GPC4: variants seen among roughly 807,000 people sequenced by gnomAD.
GPC4 encodes the protein glypican-4.
A neutral mutation model predicts 35.0 loss-of-function variants in GPC4; 10 were observed. The observed-to-expected ratio is 0.29, with a 90% CI of 0.18 to 0.48. The LOEUF is 0.48. Among genes scored for constraint, GPC4 ranks in the 20% least tolerant of loss-of-function variants. The pLI is 0.99. For missense variants in GPC4, 322 were observed against 451.3 expected, an observed-to-expected ratio of 0.71 and a Z score of 2.60; for synonymous variants, 167 against 170.2, an observed-to-expected ratio of 0.98 and a Z score of 0.15.
chrX:133,392,755 C>T (rs1210644863), intron 1 of GPC4, among the ~76,000 whole-genome samples: 3 of 110,617 alleles, frequency 2.7e-5, no homozygotes, highest in Non-Finnish European at 5.7e-5. Context: ...CCTCTCCTTC[C>T]GCTTATATAG....
chrX:133,312,657 G>GAAGGA (rs368140128), intron 3 of GPC4, among the ~76,000 whole-genome samples: 37,882 of 101,647 alleles, frequency 0.37, 7,054 homozygotes, highest in African/African-American at 0.65. Context: ...AAGAAAGGAA[G>GAAGGA]AAGGAAAGGA....
At chrX:133,371,393 T>A (rs1464392937) in intron 1 of GPC4, among the ~76,000 whole-genome samples, 1 of 112,170 alleles carries the variant, frequency 8.9e-6, no homozygotes, top group Non-Finnish European at 1.9e-5. Flanking sequence ...GTCCTTTGAA[T>A]TCTGGTGTTC....
chrX:133,386,385 AAAAG>A (rs2124170354), intron 1 of GPC4, among the ~76,000 whole-genome samples: 1 of 112,437 alleles, frequency 8.9e-6, no homozygotes, highest in Non-Finnish European at 1.9e-5. Context: ...ACTTTATCTG[AAAAG>A]TAATTGGGCA....
Position 133,302,270 on chromosome X carries a change from A to C in GPC4, c.*597T>G, listed in dbSNP as rs1157005459. 1 of 112,282 alleles carries C rather than the reference A, an allele frequency of 8.9e-6. No individual in the cohort carries two copies. Among genetic ancestry groups the C allele is most frequent in the Non-Finnish European group, 1.9e-5 (1 of 53,293 alleles). The allele number at this position is 112,282 out of a possible 1,213,427, so 9.3% of individuals were successfully genotyped here. A position where few individuals can be genotyped will look rare whatever the true frequency, so the allele number is the denominator to read the frequency against. On this transcript the variant is annotated 3_prime_UTR_variant, in exon 9 of 9. Coordinates refer to ENST00000370828, the MANE Select transcript of GPC4 (RefSeq NM_001448.3). ...GAATACAATCTGACAAGTGGCTCAG[A>C]AGCCTGCTTGTGCCCTCACATTCTG...
intron 1 of GPC4, among the ~76,000 whole-genome samples, chrX:133,386,754 C>T (rs772274521): frequency 2.7e-5 from 3 of 111,944 alleles, no homozygotes; most frequent in East Asian, 2.8e-4. Flanking sequence ...AAGACTACTA[C>T]CCCACCCCCA....
rs1385288641 is a variant in GPC4 at position 133,399,144 on chromosome X, C to T, written c.160+15662G>A. Among the ~76,000 whole-genome samples, 4 of 111,935 alleles carry T rather than the reference C, an allele frequency of 3.6e-5. No individual in the cohort carries two copies. In the Admixed American group the frequency reaches 3.8e-4, roughly 11 times the overall value. On this transcript the variant is annotated intron_variant, in intron 1 of 8. Coordinates refer to ENST00000370828, the MANE Select transcript of GPC4 (RefSeq NM_001448.3). ...GTTTTACTATTGCAAGGCCAGGGGG[C>T]TTCATCTTGAGCCACCCACCAATCA...
intron 1 of GPC4, among the ~76,000 whole-genome samples, chrX:133,407,011 G>A (rs761489954): frequency 1.8e-5 from 2 of 108,560 alleles, no homozygotes; most frequent in Non-Finnish European, 3.8e-5. Context: ...AGGAAGTGGA[G>A]GCTGTAGTAA....
chrX:133,360,845 G>C (rs2068564240), intron 1 of GPC4, among the ~76,000 whole-genome samples: 1 of 111,804 alleles, frequency 8.9e-6, no homozygotes, highest in African/African-American at 3.3e-5. Flanking sequence ...AGAGCCCTAA[G>C]GACATTGCTG....
chrX:133,336,042 T>C (rs779991274), intron 2 of GPC4, among the ~76,000 whole-genome samples: 9 of 111,960 alleles, frequency 8.0e-5, no homozygotes, highest in Non-Finnish European at 1.9e-5. Flanking sequence ...ACCATCTTTT[T>C]AGTCTGCCCA....
At chrX:133,327,662 T>C (rs1302020751) in intron 2 of GPC4, among the ~76,000 whole-genome samples, 1 of 107,692 alleles carries the variant, frequency 9.3e-6, no homozygotes, top group Non-Finnish European at 1.9e-5. Flanking sequence ...TGTGTGTGTG[T>C]GTGTGTGTGT....
chrX:133,309,092 T>C (rs1028961175), intron 4 of GPC4, among the ~76,000 whole-genome samples: 1 of 111,508 alleles, frequency 9.0e-6, no homozygotes, highest in African/African-American at 3.3e-5. Flanking sequence ...AATTAAACCC[T>C]TGTGAAAAAT....
At chrX:133,351,527 G>A (rs908396650) in intron 1 of GPC4, among the ~76,000 whole-genome samples, 1 of 110,591 alleles carries the variant, frequency 9.0e-6, no homozygotes, top group Non-Finnish European at 1.9e-5. Context: ...GGAAGACTGA[G>A]TTTGCTTAAG....
intron 1 of GPC4, among the ~76,000 whole-genome samples, chrX:133,340,290 T>C (rs924094284): frequency 3.6e-5 from 4 of 110,895 alleles, no homozygotes; most frequent in African/African-American, 1.3e-4. Flanking sequence ...TCTTCTCTTA[T>C]AATGACCACA....
chrX:133,313,106 G>A (rs73239375), intron 3 of GPC4, among the ~76,000 whole-genome samples: 297 of 112,044 alleles, frequency 2.7e-3, no homozygotes, highest in Middle Eastern at 0.014. Flanking sequence ...CCACCACAGG[G>A]AAGAGATGCT....
chrX:133,321,370 T>C (rs1245215548), intron 3 of GPC4, among the ~76,000 whole-genome samples: 1 of 112,288 alleles, frequency 8.9e-6, no homozygotes, highest in Non-Finnish European at 1.9e-5. Context: ...TTCTCTAAAA[T>C]AGCTCCAACC....
chrX:133,380,626 T>C, intron 1 of GPC4, among the ~76,000 whole-genome samples: 1 of 111,603 alleles, frequency 9.0e-6, no homozygotes, highest in Non-Finnish European at 1.9e-5. Context: ...TTGAAACACT[T>C]ATCTATATAC....
chrX:133,374,209 T>A (rs945182693), intron 1 of GPC4, among the ~76,000 whole-genome samples: 1 of 111,365 alleles, frequency 9.0e-6, no homozygotes, highest in Non-Finnish European at 1.9e-5. Flanking sequence ...AGAAAACCCA[T>A]AGCCACCAAA....
At chrX:133,411,597 T>C (rs2068813426) in intron 1 of GPC4, among the ~76,000 whole-genome samples, 1 of 110,968 alleles carries the variant, frequency 9.0e-6, no homozygotes, top group African/African-American at 3.3e-5. Context: ...CACCACTGTG[T>C]TGTATTCTAA....
At chrX:133,345,803 T>C (rs773232747) in intron 1 of GPC4, among the ~76,000 whole-genome samples, 1 of 112,353 alleles carries the variant, frequency 8.9e-6, no homozygotes, top group South Asian at 3.7e-4. Flanking sequence ...TAAAATTAAT[T>C]TGTCTGTTAC....
Sources: gnomAD v4.1 joint callset for allele counts (sites outside exome capture counted in the v4.1 genomes callset) on GRCh38, gnomAD v4.1.1 for gene constraint, MANE v1.5 for transcripts, NCBI Gene and HGNC (gene_info 2026-07-23, HGNC 2026-07-21) for gene names.